SLC12A1: variants seen among roughly 807,000 people sequenced by gnomAD.
SLC12A1 encodes the protein Na-K-2Cl cotransporter.
SLC12A1 carries 89 observed loss-of-function variants against 130.4 expected under a neutral mutation model. The observed-to-expected ratio is 0.68, with a 90% confidence interval of 0.58 to 0.81. The LOEUF (loss-of-function observed/expected upper bound fraction) is 0.81. Ranked by LOEUF, SLC12A1 falls within the 40% of genes least tolerant of loss-of-function variation. The pLI, the probability that SLC12A1 is intolerant of heterozygous loss-of-function variation, is 0.00. For missense variants in SLC12A1, 1,310 were observed against 1,336.4 expected, an observed-to-expected ratio of 0.98 and a Z score of 0.31; for synonymous variants, 499 against 460.0, an observed-to-expected ratio of 1.08 and a Z score of -1.09.
At chr15:48,283,618 G>C (rs2141109071) in intron 20 of SLC12A1, among the ~76,000 whole-genome samples, 1 of 152,352 alleles carries the variant, frequency 6.6e-6, no homozygotes, top group African/African-American at 2.4e-5. Flanking sequence ...GCATCGTCTA[G>C]GGATGTGACT....
Position 48,207,663 on chromosome 15 carries a change from T to C in SLC12A1, c.-57T>C, listed in dbSNP as rs1567299487. The C allele has an allele frequency of 2.1e-6, 3 of 1,405,620 alleles. No homozygotes were observed. Among genetic ancestry groups the C allele is most frequent in the Admixed American group, 2.8e-5 (1 of 35,754 alleles). 87.1% of individuals were successfully genotyped at this position (1,405,620 alleles called of 1,614,324 possible). Reference sequence around the variant, plus strand: ...GTGTTTATTTTGATGAAGAAATATATAGATTTTTTAAAACAACCACAAAGT... The same window carrying C: ...GTGTTTATTTTGATGAAGAAATATACAGATTTTTTAAAACAACCACAAAGT... On this transcript the variant is annotated 5_prime_UTR_variant, in exon 2 of 27. Transcript: ENST00000380993.
At chr15:48,241,422 G>A (rs2141049882) in intron 9 of SLC12A1, 93 bp from the exon 10 acceptor site, 1 of 1,020,882 alleles carries the variant, frequency 9.8e-7, no homozygotes, top group Non-Finnish European at 1.5e-6. Flanking sequence ...AGGAAGGGTA[G>A]CCTAAAAATC....
At position 48,285,220 on chromosome 15, in the gene SLC12A1, T is replaced by G; in HGVS notation, c.2600T>G (p.Leu867Trp). The change falls in exon 21 of 27, where the codon TTG (leucine) becomes TGG (tryptophan). Residue 867 changes from leucine to tryptophan, a missense_variant. By Grantham distance (61) the Leu-to-Trp change is moderately conservative. Coordinates refer to ENST00000380993, the MANE Select transcript of SLC12A1 (RefSeq NM_000338.3). ...GGCTTGTTTAAAAAAGCTGGCAAGTTGAACATTACTAAGACAACGCCTAAA... is the reference window on the plus strand; with the variant it reads ...GGCTTGTTTAAAAAAGCTGGCAAGTGGAACATTACTAAGACAACGCCTAAA... ...IRGLFKKAGK[L>W]NITKTTPKKD... 6.2e-7 allele frequency: 1 copy of G among 1,613,840 alleles called. No homozygotes were observed. Among genetic ancestry groups the G allele is most frequent in the Non-Finnish European group, 8.5e-7 (1 of 1,179,802 alleles).
intron 15 of SLC12A1, among the ~76,000 whole-genome samples, chr15:48,255,436 CA>C (rs373793834): frequency 0.033 from 2,914 of 89,238 alleles, 73 homozygotes; most frequent in African/African-American, 0.084. Flanking sequence ...AACTCCATCT[CA>C]AAAAAAAAAA....
intron 24 of SLC12A1, among the ~76,000 whole-genome samples, chr15:48,292,902 G>A (rs1472612624): frequency 1.3e-5 from 2 of 152,088 alleles, no homozygotes; most frequent in Non-Finnish European, 2.9e-5. Context: ...TTATAACAAT[G>A]ATATTTTTGG....
rs200223149 is a variant in SLC12A1 at position 48,241,502 on chromosome 15, T to A, written c.1216-13T>A. The A allele has an allele frequency of 4.4e-4, 697 of 1,594,548 alleles. 9 individuals carry two copies. In the South Asian group the frequency reaches 5.0e-3, roughly 11 times the overall value. ...GCTCTGTATTCTTCTACCTCCACATTATTTTTTTAAAGGATCCCCAAGATG... is the reference window on the plus strand; with the variant it reads ...GCTCTGTATTCTTCTACCTCCACATAATTTTTTTAAAGGATCCCCAAGATG... On this transcript the variant is annotated splice_polypyrimidine_tract_variant and intron_variant, in intron 9 of 26. Transcript: ENST00000380993.
intron 16 of SLC12A1, among the ~76,000 whole-genome samples, chr15:48,258,481 G>A (rs1407979853): frequency 6.6e-6 from 1 of 150,666 alleles, no homozygotes; most frequent in South Asian, 2.1e-4. Context: ...TCAGCATTTT[G>A]GTCAAAGCCA....
In SLC12A1 at chr15:48,273,028, C is replaced by T. The variant is rs533596220; in HGVS notation, c.2403-1543C>T. On this transcript the variant is annotated intron_variant, in intron 19 of 26. Coordinates refer to ENST00000380993, the MANE Select transcript of SLC12A1 (RefSeq NM_000338.3). ...CAGGTTGAGGCAGAATTGCTTGAAC[C>T]TGGGAGACGGAGGTTGCAGTGAGCC... is the stretch of plus-strand genomic sequence containing the variant. Among the ~76,000 whole-genome samples the T allele has an allele frequency of 4.8e-4, 71 of 147,594 alleles. 1 individual carries two copies. Among genetic ancestry groups the T allele is most frequent in the African/African-American group, 1.6e-3 (65 of 39,512 alleles).
intron 15 of SLC12A1, among the ~76,000 whole-genome samples, chr15:48,255,048 CT>C (rs776706937): frequency 8.5e-5 from 13 of 152,212 alleles, no homozygotes; most frequent in South Asian, 4.1e-4. Context: ...AATCTTGACC[CT>C]CTTCATAGAA....
chr15:48,221,268 T>C (rs917178677), intron 4 of SLC12A1: 19 of 698,916 alleles, frequency 2.7e-5, no homozygotes, highest in African/African-American at 1.9e-4. Context: ...AGACATATAA[T>C]AGCATGTTAA....
rs759674302 is a variant in SLC12A1 at position 48,207,717 on chromosome 15, A to G, written c.-3A>G. 1.5e-5 allele frequency: 23 copies of G among 1,546,854 alleles called. No individual in the cohort carries two copies. Among genetic ancestry groups the G allele is most frequent in the Non-Finnish European group, 2.0e-5 (23 of 1,150,750 alleles). On this transcript the variant is annotated 5_prime_UTR_variant, in exon 2 of 27. Transcript: ENST00000380993. ...TAGCTCAGTAAAAAATCAATTTTGG[A>G]AGATGTCACTGAACAACTCTTCCAA...
At chr15:48,283,104 A>G (rs928628993) in intron 20 of SLC12A1, among the ~76,000 whole-genome samples, 2 of 152,166 alleles carry the variant, frequency 1.3e-5, no homozygotes, top group African/African-American at 4.8e-5. Flanking sequence ...GCATCTCAAA[A>G]TACTCAATTT....
chr15:48,232,078 A>C (rs868577279), intron 7 of SLC12A1, among the ~76,000 whole-genome samples: 29 of 152,218 alleles, frequency 1.9e-4, no homozygotes, highest in African/African-American at 6.8e-4. Context: ...TGAGGAGGTA[A>C]CTAAGACTTA....
intron 9 of SLC12A1, among the ~76,000 whole-genome samples, chr15:48,238,183 C>T (rs548928578): frequency 2.0e-5 from 3 of 152,262 alleles, no homozygotes; most frequent in South Asian, 2.1e-4. Context: ...ATTCTTTTAA[C>T]GCTGGTTGTA....
At chr15:48,216,423 T>G (rs990618741) in intron 2 of SLC12A1, among the ~76,000 whole-genome samples, 2 of 152,208 alleles carry the variant, frequency 1.3e-5, no homozygotes, top group South Asian at 2.1e-4. Context: ...AATTCATATC[T>G]AAGGGTCACA....
chr15:48,221,517 A>G (rs890746885), intron 4 of SLC12A1: 2 of 612,040 alleles, frequency 3.3e-6, no homozygotes, highest in Admixed American at 2.7e-5. Context: ...AAATATTGCC[A>G]GATACAAGCT....
At chr15:48,269,932 T>A (rs1256918352) in intron 19 of SLC12A1, among the ~76,000 whole-genome samples, 168 bp downstream of exon 19, 1 of 151,968 alleles carries the variant, frequency 6.6e-6, no homozygotes, top group Admixed American at 6.6e-5. Context: ...CCACCAATAA[T>A]AGAGTTTGAG....
intron 9 of SLC12A1, among the ~76,000 whole-genome samples, chr15:48,239,266 C>A (rs998467676): frequency 6.6e-6 from 1 of 152,088 alleles, no homozygotes; most frequent in African/African-American, 2.4e-5. Flanking sequence ...AATCGCAGCA[C>A]TTTGGGAGGC....
chr15:48,270,769 TATATATATATATATATAC>T (rs1209702617), intron 19 of SLC12A1, among the ~76,000 whole-genome samples: 5 of 109,936 alleles, frequency 4.5e-5, no homozygotes, highest in African/African-American at 6.8e-5. Flanking sequence ...TATATATATA[TATATATATATATATATAC>T]ACACACACAC....
Sources: allele counts gnomAD v4.1 joint callset (sites outside exome capture counted in the v4.1 genomes callset), GRCh38; gene constraint gnomAD v4.1.1; transcripts MANE v1.5; gene names NCBI Gene and HGNC (gene_info 2026-07-23, HGNC 2026-07-21).